Variants in NT5C2 observed in about 807,000 individuals in gnomAD.
NT5C2 encodes cytosolic purine 5'-nucleotidase.
In NT5C2, 58 loss-of-function variants were observed where a neutral mutation model predicts 76.1. The observed-to-expected ratio is 0.76, with a 90% confidence interval of 0.62 to 0.95. NT5C2 has a LOEUF of 0.95. Ranked by LOEUF, NT5C2 falls within the 40% of genes least tolerant of loss-of-function variation. The pLI, the probability that NT5C2 is intolerant of heterozygous loss-of-function variation, is 0.00. For synonymous variants in NT5C2, 229 were observed against 237.4 expected, an observed-to-expected ratio of 0.96 and a Z score of 0.32; for missense variants, 478 against 690.3, an observed-to-expected ratio of 0.69 and a Z score of 3.45.
chr10:103,143,354 A>G (rs1330104811), intron 3 of NT5C2, among the ~76,000 whole-genome samples: 11 of 152,166 alleles, frequency 7.2e-5, no homozygotes, highest in Admixed American at 7.2e-4. Context: ...CTCCACTGGG[A>G]TACAGAAAGA....
At chr10:103,119,609 A>G (rs1334314174) in intron 4 of NT5C2, among the ~76,000 whole-genome samples, 5 of 152,216 alleles carry the variant, frequency 3.3e-5, no homozygotes, top group Non-Finnish European at 1.5e-5. Context: ...TGTACCAAAG[A>G]CTTTTCAACA....
Position 103,099,941 on chromosome 10 carries a change from G to C in NT5C2, c.618C>G (p.Asp206Glu). ...TTCTAGGTACCTTGTAATGAACCCA[G>C]TCAACAGCATCTCTTACATCCTGGA... ...SMFQDVRDAVDWVHYKGSLKE... is the reference protein window; with the variant it reads ...SMFQDVRDAVEWVHYKGSLKE... Residue 206 changes from aspartate (D) to glutamate (E), a missense_variant, in exon 9 of 19, where the codon GAC becomes GAG. By Grantham distance (45) the Asp-to-Glu change is conservative. Transcript: ENST00000404739. 6.2e-7 allele frequency: 1 copy of C among 1,610,670 alleles called. No homozygotes were observed. Among genetic ancestry groups the C allele is most frequent in the Non-Finnish European group, 8.5e-7 (1 of 1,177,074 alleles).
intron 14 of NT5C2, 60 bp from the exon 15 acceptor site, chr10:103,093,369 A>G: frequency 1.4e-6 from 2 of 1,384,034 alleles, no homozygotes; most frequent in Non-Finnish European, 1.9e-6. Context: ...GCATTCCAAT[A>G]GTATTTAACC....
At chr10:103,156,194 T>C (rs1299112245) in intron 3 of NT5C2, among the ~76,000 whole-genome samples, 1 of 151,954 alleles carries the variant, frequency 6.6e-6, no homozygotes, top group Non-Finnish European at 1.5e-5. Flanking sequence ...AGGACAAGGC[T>C]GAAGGTGGGG....
chr10:103,174,142 CAA>C (rs752704386), intron 3 of NT5C2, among the ~76,000 whole-genome samples: 56 of 150,830 alleles, frequency 3.7e-4, no homozygotes, highest in Admixed American at 8.6e-4. Context: ...TGTGGTGGCT[CAA>C]GCCTATAATC....
intron 4 of NT5C2, among the ~76,000 whole-genome samples, chr10:103,116,758 A>G (rs913854223): frequency 6.7e-6 from 1 of 148,262 alleles, no homozygotes; most frequent in African/African-American, 2.5e-5. Context: ...TTTTTTTTTT[A>G]AAGATGGGGT....
intron 1 of NT5C2, among the ~76,000 whole-genome samples, chr10:103,190,073 T>C (rs1490350380): frequency 7.0e-6 from 1 of 142,946 alleles, no homozygotes; most frequent in Admixed American, 7.5e-5. Flanking sequence ...CAATCTCAGC[T>C]CACTGCAACC....
At position 103,113,049 on chromosome 10, in the gene NT5C2, G is replaced by A. The variant is rs538256952; in HGVS notation, c.176-6343C>T. ...AAGAGATCACAAATGACCTAAAAAAGATATTTTCATATCTTTCTAAATTTT... is the reference window on the plus strand; with the variant it reads ...AAGAGATCACAAATGACCTAAAAAAAATATTTTCATATCTTTCTAAATTTT... On this transcript the variant is annotated intron_variant, in intron 4 of 18. Coordinates refer to ENST00000404739, the MANE Select transcript of NT5C2 (RefSeq NM_001351169.2). 2.6e-5 allele frequency among the ~76,000 whole-genome samples: 4 copies of A among 152,114 alleles called. No individual in the cohort carries two copies. In the East Asian group the frequency reaches 5.8e-4, roughly 22 times the overall value.
At chr10:103,109,967 G>C (rs971740471) in intron 4 of NT5C2, among the ~76,000 whole-genome samples, 1 of 152,116 alleles carries the variant, frequency 6.6e-6, no homozygotes, top group African/African-American at 2.4e-5. Flanking sequence ...GTGTTCAACC[G>C]AAGTGACTTT....
chr10:103,094,616 G>T, intron 12 of NT5C2, 161 bp from the exon 13 acceptor site: 1 of 590,432 alleles, frequency 1.7e-6, no homozygotes, highest in Non-Finnish European at 3.0e-6. Flanking sequence ...AGGCACAGTG[G>T]CTCACACCTG....
At chr10:103,090,131 T>C (rs1050495917) in intron 18 of NT5C2, 8 of 442,718 alleles carry the variant, frequency 1.8e-5, no homozygotes, top group African/African-American at 6.0e-5. Context: ...CAGCTGGAAA[T>C]TGGAAAAGAT....
chr10:103,105,492 A>T (rs1590851388), intron 6 of NT5C2: 1 of 551,876 alleles, frequency 1.8e-6, no homozygotes, highest in East Asian at 3.4e-5. Flanking sequence ...GTATAATTGG[A>T]AGGCACTTAA....
chr10:103,156,010 T>G (rs1208659148), intron 3 of NT5C2, among the ~76,000 whole-genome samples: 1 of 151,796 alleles, frequency 6.6e-6, no homozygotes, highest in Non-Finnish European at 1.5e-5. Flanking sequence ...AAAAAAAAAT[T>G]TAAAAATTAG....
intron 4 of NT5C2, chr10:103,125,073 G>A (rs541872377): frequency 3.4e-5 from 10 of 292,730 alleles, no homozygotes; most frequent in Admixed American, 7.9e-5. Context: ...GCTTCTTCAC[G>A]GTCTATGATG....
intron 1 of NT5C2, among the ~76,000 whole-genome samples, chr10:103,181,783 T>C (rs2091116141): frequency 6.6e-6 from 1 of 151,990 alleles, no homozygotes; most frequent in Admixed American, 6.6e-5. Flanking sequence ...GGTGGGTGGA[T>C]CATTTGAGGT....
At chr10:103,102,515 G>C (rs1216846597) in intron 6 of NT5C2, among the ~76,000 whole-genome samples, 1 of 151,762 alleles carries the variant, frequency 6.6e-6, no homozygotes, top group Admixed American at 6.6e-5. Flanking sequence ...TTGACTCTCA[G>C]AATTTTTTCT....
intron 4 of NT5C2, among the ~76,000 whole-genome samples, chr10:103,117,148 G>A (rs2074539421): frequency 2.0e-5 from 3 of 152,146 alleles, no homozygotes; most frequent in African/African-American, 4.8e-5. Context: ...TACAAATGAC[G>A]AGTATTTTTA....
intron 4 of NT5C2, among the ~76,000 whole-genome samples, chr10:103,112,017 A>G (rs1483196798): frequency 2.6e-5 from 4 of 152,164 alleles, no homozygotes; most frequent in African/African-American, 9.7e-5. Context: ...AAGCCTAAGT[A>G]TTATTGTGTA....
intron 1 of NT5C2, among the ~76,000 whole-genome samples, chr10:103,191,710 C>A (rs1591981396): frequency 1.4e-5 from 1 of 71,862 alleles, no homozygotes; most frequent in African/African-American, 5.4e-5. Flanking sequence ...TCCTTCAGAA[C>A]CCCCCCCACT....
Sources: gnomAD v4.1 joint callset for allele counts (sites outside exome capture counted in the v4.1 genomes callset) on GRCh38, gnomAD v4.1.1 for gene constraint, MANE v1.5 for transcripts, NCBI Gene and HGNC (gene_info 2026-07-23, HGNC 2026-07-21) for gene names.